The following HCN1 variants were observed in gnomAD, a reference collection of about 807,000 sequenced individuals.
HCN1 encodes the protein hyperpolarization activated cyclic nucleotide gated potassium channel 1.
A neutral mutation model predicts 78.9 loss-of-function variants in HCN1; 13 were observed. The observed-to-expected ratio is 0.16, with a 90% CI of 0.11 to 0.26. HCN1 has a LOEUF of 0.26. HCN1 is among the 10% of genes least tolerant of loss of function. HCN1 has a pLI of 1.00. For synonymous variants in HCN1, 552 were observed against 455.5 expected (o/e 1.21, Z -2.70); for missense variants, 810 against 1,154.3 (o/e 0.70, Z 4.32).
At chr5:45,679,130 T>C (rs1013351670) in intron 1 of HCN1, among the ~76,000 whole-genome samples, 1 of 152,062 alleles carries the variant, frequency 6.6e-6, no homozygotes, top group Non-Finnish European at 1.5e-5. Context: ...GGACAAAGCA[T>C]AGTGGTTAAG....
At chr5:45,368,137 TAGA>T (rs1177786198) in intron 4 of HCN1, among the ~76,000 whole-genome samples, 3 of 152,024 alleles carry the variant, frequency 2.0e-5, no homozygotes, top group Admixed American at 6.6e-5. Flanking sequence ...TTTATTCTAA[TAGA>T]AGAAGAGTAG....
chr5:45,320,432 T>C (rs1746101480), intron 5 of HCN1, among the ~76,000 whole-genome samples: 1 of 151,884 alleles, frequency 6.6e-6, no homozygotes, highest in South Asian at 2.1e-4. Context: ...TCAACATCTA[T>C]TGAGTTCTTG....
intron 6 of HCN1, among the ~76,000 whole-genome samples, chr5:45,277,602 C>T (rs1344165671): frequency 6.6e-6 from 1 of 152,050 alleles, no homozygotes; most frequent in East Asian, 1.9e-4. Flanking sequence ...TCACATTAAA[C>T]CAGTTATTCT....
At chr5:45,676,421 TA>T (rs1746267367) in intron 1 of HCN1, among the ~76,000 whole-genome samples, 2 of 151,788 alleles carry the variant, frequency 1.3e-5, no homozygotes, top group South Asian at 2.1e-4. Flanking sequence ...TCCATAATTA[TA>T]CTATTAAAAT....
chr5:45,299,444 T>G (rs1745563014), intron 6 of HCN1, among the ~76,000 whole-genome samples: 3 of 152,022 alleles, frequency 2.0e-5, no homozygotes, highest in Admixed American at 6.6e-5. Context: ...TATTTTTAAT[T>G]TAAAAATTAT....
At chr5:45,286,552 T>C (rs543108713) in intron 6 of HCN1, among the ~76,000 whole-genome samples, 1 of 152,198 alleles carries the variant, frequency 6.6e-6, no homozygotes, top group Admixed American at 6.6e-5. Context: ...GTGTCTGATG[T>C]GTTTTAGTCT....
rs1389890403 is a variant in HCN1 at position 45,586,993 on chromosome 5, T to A, written c.849+58192A>T. Among the ~76,000 whole-genome samples the A allele has an allele frequency of 4.6e-5, 7 of 152,264 alleles. No individual in the cohort carries two copies. The East Asian group carries it at 1.4e-3, about 30-fold the overall frequency. ...ATTCCATTATATCTTTAAGACTACA[T>A]AACCAAGTTATTTTCAAACCTGTCA... On this transcript the variant is annotated intron_variant, in intron 2 of 7. Coordinates refer to ENST00000303230, the MANE Select transcript of HCN1 (RefSeq NM_021072.4).
At chr5:45,534,655 C>T (rs114973355) in intron 2 of HCN1, among the ~76,000 whole-genome samples, 2,431 of 150,002 alleles carry the variant, frequency 0.016, 63 homozygotes, top group African/African-American at 0.056. Context: ...ACAGCCTATA[C>T]GAGATTCTAA....
intron 6 of HCN1, among the ~76,000 whole-genome samples, chr5:45,297,818 A>G (rs1338896188): frequency 6.6e-6 from 1 of 152,090 alleles, no homozygotes; most frequent in Non-Finnish European, 1.5e-5. Flanking sequence ...AAATCAATCA[A>G]AACAATTCAC....
intron 2 of HCN1, among the ~76,000 whole-genome samples, chr5:45,524,721 T>C (rs1354017056): frequency 6.6e-6 from 1 of 152,106 alleles, no homozygotes; most frequent in Non-Finnish European, 1.5e-5. Flanking sequence ...TCCTGAGACT[T>C]TGCTGAAGTT....
intron 4 of HCN1, among the ~76,000 whole-genome samples, chr5:45,395,751 T>G (rs2112039535): frequency 6.6e-6 from 1 of 152,312 alleles, no homozygotes; most frequent in South Asian, 2.1e-4. Flanking sequence ...TAAAATATTC[T>G]TATTTATCTG....
chr5:45,694,277 T>A (rs774005553), intron 1 of HCN1, among the ~76,000 whole-genome samples: 6 of 152,236 alleles, frequency 3.9e-5, no homozygotes, highest in Admixed American at 3.9e-4. Context: ...TGGACTTTGC[T>A]GTGTGTTTTT....
intron 5 of HCN1, among the ~76,000 whole-genome samples, chr5:45,306,097 T>A (rs969456031): frequency 6.6e-6 from 1 of 152,028 alleles, no homozygotes; most frequent in Non-Finnish European, 1.5e-5. Context: ...CAGAGTTATG[T>A]CATGAAAATA....
rs569215641 is a variant in HCN1, at chr5:45,545,661, C to T, written c.850-83654G>A. Among the ~76,000 whole-genome samples, 4 of 152,296 alleles carry T rather than the reference C, an allele frequency of 2.6e-5. No individual in the cohort carries two copies. The South Asian group carries it at 8.3e-4, about 32-fold the overall frequency. ...GAAGGGATCCAGTTTCAGCTTTCTA[C>T]ATATGGCTAGCCAGTTTTCCCAGCA... On this transcript the variant is annotated intron_variant, in intron 2 of 7. Transcript: ENST00000303230.
rs552301682 is a variant in HCN1, at chr5:45,598,262, C to T, written c.849+46923G>A. The stretch of plus-strand genomic sequence containing the variant: ...AACAGAGGCCTCAGAAATAAGACCA[C>T]GCATCTACAATCATCTGATCTTCAA... On this transcript the variant is annotated intron_variant, in intron 2 of 7. Transcript: ENST00000303230. Among the ~76,000 whole-genome samples the T allele has an allele frequency of 2.0e-5, 3 of 152,172 alleles. No homozygotes were observed. The South Asian group carries it at 6.2e-4, about 32-fold the overall frequency.
rs1345716242 is a variant in HCN1 at position 45,396,800 on chromosome 5, A to C, written c.1012-90T>G. ...GACCTGTACACAGAAGCATTATAAA[A>C]TACTGAATACTGGAAAAATCCTTAC... On this transcript the variant is annotated intron_variant, in intron 3 of 7. Transcript: ENST00000303230. 79 of 919,566 alleles carry C rather than the reference A, an allele frequency of 8.6e-5. 1 individual carries two copies. The highest frequency in any genetic ancestry group is 1.4e-4 in the Non-Finnish European group (79 of 553,880). 57.0% of individuals were successfully genotyped at this position (919,566 alleles called of 1,614,324 possible).
rs1745785676 is a variant in HCN1 at position 45,308,607 on chromosome 5, T to G, written c.1378-4768A>C. 2.0e-5 allele frequency among the ~76,000 whole-genome samples: 3 copies of G among 152,118 alleles called. No individual in the cohort carries two copies. The South Asian group carries it at 6.2e-4, about 31-fold the overall frequency. Reference sequence around the variant, plus strand: ...TGGAGTTAATAACTGTGGTCTGTCATAAGAAGACAAATTGTATATATATCA... The same window carrying G: ...TGGAGTTAATAACTGTGGTCTGTCAGAAGAAGACAAATTGTATATATATCA... On this transcript the variant is annotated intron_variant, in intron 5 of 7. Coordinates refer to ENST00000303230, the MANE Select transcript of HCN1 (RefSeq NM_021072.4).
chr5:45,596,412 C>T (rs2111955499), intron 2 of HCN1, among the ~76,000 whole-genome samples: 1 of 152,282 alleles, frequency 6.6e-6, no homozygotes, highest in East Asian at 1.9e-4. Context: ...CAATGACTTT[C>T]ACAAAGACTG....
intron 2 of HCN1, among the ~76,000 whole-genome samples, chr5:45,538,271 C>T (rs1465290204): frequency 2.0e-5 from 3 of 152,116 alleles, no homozygotes; most frequent in East Asian, 3.9e-4. Context: ...AATAGAGATC[C>T]TCTAATTGCT....
Sources: gnomAD v4.1 joint callset for allele counts (sites outside exome capture counted in the v4.1 genomes callset) on GRCh38, gnomAD v4.1.1 for gene constraint, MANE v1.5 for transcripts, NCBI Gene and HGNC (gene_info 2026-07-23, HGNC 2026-07-21) for gene names.